KCNIP4: variants seen among roughly 807,000 people sequenced by gnomAD.
KCNIP4 encodes the protein Kv channel-interacting protein 4.
KCNIP4 carries 12 observed loss-of-function variants against 34.0 expected under a neutral mutation model. That is an observed-to-expected ratio of 0.35 (90% CI 0.23 to 0.57). The LOEUF (loss-of-function observed/expected upper bound fraction) is 0.57. Among genes scored for constraint, KCNIP4 ranks in the 20% least tolerant of loss-of-function variants. KCNIP4 has a pLI of 0.83. For synonymous variants in KCNIP4, 124 were observed against 102.2 expected, an observed-to-expected ratio of 1.21 and a Z score of -1.29; for missense variants, 238 against 311.7, an observed-to-expected ratio of 0.76 and a Z score of 1.78.
At chr4:21,728,468 T>A (rs889992301) in intron 1 of KCNIP4, among the ~76,000 whole-genome samples, 3 of 152,164 alleles carry the variant, frequency 2.0e-5, no homozygotes, top group Non-Finnish European at 4.4e-5. Context: ...TGCAGTAGCC[T>A]CTTCACTAGG....
At chr4:21,420,134 A>T (rs1046825253) in intron 1 of KCNIP4, among the ~76,000 whole-genome samples, 1 of 152,176 alleles carries the variant, frequency 6.6e-6, no homozygotes, top group Non-Finnish European at 1.5e-5. Flanking sequence ...TGTTGGTGAA[A>T]TGTCCTAAGT....
At chr4:20,758,952 A>G in intron 3 of KCNIP4, 62 bp from the exon 4 acceptor site, 1 of 1,285,806 alleles carries the variant, frequency 7.8e-7, no homozygotes, top group Non-Finnish European at 1.1e-6. Context: ...TTTTTTTTGC[A>G]CATTTTGAAA....
At chr4:20,985,804 G>A (rs1736516857) in intron 1 of KCNIP4, among the ~76,000 whole-genome samples, 1 of 152,110 alleles carries the variant, frequency 6.6e-6, no homozygotes, top group African/African-American at 2.4e-5. Context: ...TATCAGGAAG[G>A]AGACTTTATA....
chr4:20,764,952 A>T (rs982659056), intron 3 of KCNIP4, among the ~76,000 whole-genome samples: 8 of 152,122 alleles, frequency 5.3e-5, no homozygotes, highest in African/African-American at 1.9e-4. Context: ...TACTTTTAAC[A>T]CTTTCATCAA....
intron 1 of KCNIP4, among the ~76,000 whole-genome samples, chr4:20,943,749 A>C (rs1328453075): frequency 6.6e-6 from 1 of 152,128 alleles, no homozygotes; most frequent in Non-Finnish European, 1.5e-5. Flanking sequence ...CAGTATTGAG[A>C]CTATATAAGA....
chr4:21,337,188 GAGA>G (rs1218270766), intron 1 of KCNIP4, among the ~76,000 whole-genome samples: 3 of 152,120 alleles, frequency 2.0e-5, no homozygotes, highest in Non-Finnish European at 4.4e-5. Flanking sequence ...CTGGGAAGCG[GAGA>G]AGATGAGGCC....
chr4:21,509,840 A>G (rs1283188100), intron 1 of KCNIP4, among the ~76,000 whole-genome samples: 1 of 152,192 alleles, frequency 6.6e-6, no homozygotes, highest in Non-Finnish European at 1.5e-5. Context: ...CAATCTGGCC[A>G]GGAGCAGTGG....
At chr4:21,776,030 T>C (rs1278251511) in intron 1 of KCNIP4, among the ~76,000 whole-genome samples, 1 of 152,194 alleles carries the variant, frequency 6.6e-6, no homozygotes, top group Admixed American at 6.5e-5. Context: ...GCTGCAAGAA[T>C]CTAACCATTC....
chr4:21,377,448 C>T (rs1349991672), intron 1 of KCNIP4, among the ~76,000 whole-genome samples: 1 of 152,136 alleles, frequency 6.6e-6, no homozygotes. Context: ...TGCTTTCTAG[C>T]TCATTTAGTG....
At chr4:21,746,258 T>C (rs1214616213) in intron 1 of KCNIP4, among the ~76,000 whole-genome samples, 5 of 152,136 alleles carry the variant, frequency 3.3e-5, no homozygotes, top group African/African-American at 4.8e-5. Flanking sequence ...AACATATGTA[T>C]TGAGGTGGGA....
At chr4:21,635,339 C>T (rs879805850) in intron 1 of KCNIP4, among the ~76,000 whole-genome samples, 1 of 152,194 alleles carries the variant, frequency 6.6e-6, no homozygotes. Context: ...TCCATCCTTA[C>T]AGATAGCCCA....
chr4:20,747,116 A>C (rs1578498846), intron 5 of KCNIP4, among the ~76,000 whole-genome samples: 1 of 152,230 alleles, frequency 6.6e-6, no homozygotes, highest in East Asian at 1.9e-4. Flanking sequence ...CCCAAATTAT[A>C]ATCAACGTTC....
rs146472308 is a variant in KCNIP4 at position 20,774,888 on chromosome 4, A to G, written c.289-15998T>C. Among the ~76,000 whole-genome samples, 369 of 152,316 alleles carry G rather than the reference A, an allele frequency of 2.4e-3. 3 individuals carry two copies. The highest frequency in any genetic ancestry group is 8.5e-3 in the African/African-American group (352 of 41,580). The stretch of plus-strand genomic sequence containing the variant: ...TACATTAAGAATCAAGGTCTTTGCC[A>G]TTCACAAGATAGGTATCATATACCT... On this transcript the variant is annotated intron_variant, in intron 3 of 8. Coordinates refer to ENST00000382152, the MANE Select transcript of KCNIP4 (RefSeq NM_025221.6).
intron 1 of KCNIP4, among the ~76,000 whole-genome samples, chr4:21,897,313 C>T (rs572235345): frequency 2.9e-4 from 44 of 152,122 alleles, no homozygotes; most frequent in African/African-American, 9.9e-4. Context: ...AGTAAAAGAA[C>T]AGCATGCCTT....
chr4:21,618,058 C>A (rs1289260049), intron 1 of KCNIP4, among the ~76,000 whole-genome samples: 2 of 152,164 alleles, frequency 1.3e-5, no homozygotes, highest in African/African-American at 2.4e-5. Flanking sequence ...TTGTATACCA[C>A]TGATGGTACA....
At chr4:21,603,745 G>A (rs1237219524) in intron 1 of KCNIP4, among the ~76,000 whole-genome samples, 2 of 151,530 alleles carry the variant, frequency 1.3e-5, no homozygotes, top group Non-Finnish European at 2.9e-5. Context: ...TGTCTGACTA[G>A]CGATGTGTCT....
chr4:21,661,186 T>A (rs1748423557), intron 1 of KCNIP4, among the ~76,000 whole-genome samples: 1 of 152,022 alleles, frequency 6.6e-6, no homozygotes, highest in Non-Finnish European at 1.5e-5. Context: ...GTCCACTCCA[T>A]CTCCTTTCCA....
chr4:21,019,484 T>A (rs1739854257), intron 1 of KCNIP4, among the ~76,000 whole-genome samples: 1 of 152,064 alleles, frequency 6.6e-6, no homozygotes, highest in Non-Finnish European at 1.5e-5. Flanking sequence ...CGGAACTACC[T>A]CTTTAAAGAC....
intron 1 of KCNIP4, among the ~76,000 whole-genome samples, chr4:21,665,383 C>T (rs1748769657): frequency 6.6e-6 from 1 of 151,922 alleles, no homozygotes; most frequent in Non-Finnish European, 1.5e-5. Flanking sequence ...AGACTAAATG[C>T]ATAGGAATGG....
Sources: allele counts gnomAD v4.1 joint callset (sites outside exome capture counted in the v4.1 genomes callset), GRCh38; gene constraint gnomAD v4.1.1; transcripts MANE v1.5; gene names NCBI Gene and HGNC (gene_info 2026-07-23, HGNC 2026-07-21).